ASAP3: variants seen among roughly 807,000 people sequenced by gnomAD.
The protein encoded by ASAP3 is arf-GAP with SH3 domain, ANK repeat and PH domain-containing protein 3.
ASAP3 carries 85 observed loss-of-function variants against 118.2 expected under a neutral mutation model. The observed-to-expected ratio is 0.72, with a 90% CI of 0.60 to 0.86. ASAP3 has a LOEUF of 0.86. Among genes scored for constraint, ASAP3 ranks in the 40% least tolerant of loss-of-function variants. The probability of loss-of-function intolerance (pLI) is 0.00; values close to 1 mark genes in which losing one functional copy is unlikely to be tolerated. For synonymous variants in ASAP3, 432 were observed against 477.4 expected, an observed-to-expected ratio of 0.90 and a Z score of 1.24; for missense variants, 1,026 against 1,175.0, an observed-to-expected ratio of 0.87 and a Z score of 1.85.
chr1:23,436,053 C>T lies in ASAP3; in HGVS notation c.1572-25G>A. ...CCTACCAAAAACAACCACAGGATCT[C>T]AGAGCATGGACCGTGTCTGCCCAGC... On this transcript the variant is annotated intron_variant, in intron 16 of 24. Transcript: ENST00000336689. The surrounding 1 kb of genome is among the most constrained non-coding windows in gnomAD (Gnocchi z 4.2). 1 of 1,613,354 alleles carries T rather than the reference C, an allele frequency of 6.2e-7. No homozygotes were observed. Among genetic ancestry groups the T allele is most frequent in the South Asian group, 1.1e-5 (1 of 91,064 alleles).
chr1:23,436,688 T>C lies in ASAP3; in HGVS notation c.1477-34A>G. ...GTAGGAAAATAGACGTGGGGCGGAG[T>C]AAGACCGGGCGGTTAAGCCTGCATA... On this transcript the variant is annotated intron_variant, in intron 15 of 24. Transcript: ENST00000336689. The surrounding 1 kb of genome is among the most constrained non-coding windows in gnomAD (Gnocchi z 4.2). 1 of 1,612,264 alleles carries C rather than the reference T, an allele frequency of 6.2e-7. No individual in the cohort carries two copies. The highest frequency in any genetic ancestry group is 1.7e-5 in the Admixed American group (1 of 59,978).
chr1:23,476,444 A>G (rs893597195), intron 1 of ASAP3, among the ~76,000 whole-genome samples: 1 of 151,874 alleles, frequency 6.6e-6, no homozygotes, highest in Admixed American at 6.6e-5. Context: ...CTTATAAAAC[A>G]CTTCTACAAT....
intron 5 of ASAP3, among the ~76,000 whole-genome samples, chr1:23,447,404 T>C (rs1157255017): frequency 2.6e-5 from 4 of 152,206 alleles, no homozygotes; most frequent in Admixed American, 2.0e-4. Flanking sequence ...GGTACGTATA[T>C]ATAGGAAAAA....
chr1:23,431,576 G>A, intron 23 of ASAP3, 120 bp downstream of exon 23: 1 of 957,160 alleles, frequency 1.0e-6, no homozygotes, highest in South Asian at 1.9e-5. Flanking sequence ...ATAAGTGATG[G>A]GCCCAGAGAT....
chr1:23,461,668 C>T (rs926138333), intron 1 of ASAP3, among the ~76,000 whole-genome samples: 29 of 146,948 alleles, frequency 2.0e-4, no homozygotes, highest in Non-Finnish European at 3.4e-4. Context: ...CTCAAACGCA[C>T]CCCCCCACAA....
intron 22 of ASAP3, among the ~76,000 whole-genome samples, chr1:23,432,831 T>C (rs993325788): frequency 6.6e-6 from 1 of 150,640 alleles, no homozygotes; most frequent in Non-Finnish European, 1.5e-5. Flanking sequence ...AAGTGGAGCA[T>C]TGAGGAATTT....
intron 3 of ASAP3, among the ~76,000 whole-genome samples, chr1:23,454,037 T>C (rs1315953227): frequency 3.3e-5 from 5 of 152,216 alleles, no homozygotes; most frequent in Admixed American, 1.3e-4. Context: ...TTTTTTTTTT[T>C]GAGACAGGGT....
intron 3 of ASAP3, among the ~76,000 whole-genome samples, chr1:23,453,955 T>C (rs1000992337): frequency 3.3e-5 from 5 of 152,196 alleles, no homozygotes; most frequent in Middle Eastern, 3.4e-3. Flanking sequence ...CAGGAAACAC[T>C]AGTTTGACTG....
intron 5 of ASAP3, among the ~76,000 whole-genome samples, chr1:23,446,015 A>G (rs1641036423): frequency 6.6e-6 from 1 of 151,980 alleles, no homozygotes; most frequent in African/African-American, 2.4e-5. Context: ...ATATCTGTAC[A>G]TGTGATTGGC....
chr1:23,437,519 C>A lies in ASAP3; in HGVS notation c.1103-47G>T, dbSNP rs185420378. ...TCTGACCCACAGAAATGCTGCTGGC[C>A]TTCCCGGAGCCCAGGGAGCCCCCAC... On this transcript the variant is annotated intron_variant, in intron 12 of 24. Coordinates refer to ENST00000336689, the MANE Select transcript of ASAP3 (RefSeq NM_017707.4). This position sits in a 1 kb window ranked among gnomAD's most constrained non-coding sequence, Gnocchi z 6.1. 1 of 1,610,148 alleles carries A rather than the reference C, an allele frequency of 6.2e-7. No individual in the cohort carries two copies. The highest frequency in any genetic ancestry group is 1.7e-5 in the Admixed American group (1 of 59,508).
At chr1:23,452,471 T>C (rs1488541810) in intron 4 of ASAP3, among the ~76,000 whole-genome samples, 4 of 152,122 alleles carry the variant, frequency 2.6e-5, no homozygotes, top group Non-Finnish European at 5.9e-5. Context: ...CATAGGATGG[T>C]TGTAAGATTT....
Position 23,437,293 on chromosome 1 carries a change from C to T in ASAP3, c.1179G>A (p.Lys393=). Reference sequence around the variant, plus strand: ...GGAAGGCGCTGCTCAGGGCTTCGTCCTTGCTGTTCTGCAACACTGACACCC... The same window carrying T: ...GGAAGGCGCTGCTCAGGGCTTCGTCTTTGCTGTTCTGCAACACTGACACCC... ...EAWVSVLQNS[K]DEALSSAFLG... Residue 393 remains lysine (K), a synonymous_variant, in exon 14 of 25, where the codon AAG becomes AAA. Transcript: ENST00000336689. The surrounding 1 kb of genome is among the most constrained non-coding windows in gnomAD (Gnocchi z 6.1). 6.2e-7 allele frequency: 1 copy of T among 1,608,724 alleles called. No homozygotes were observed. Among genetic ancestry groups the T allele is most frequent in the Non-Finnish European group, 8.5e-7 (1 of 1,177,628 alleles).
chr1:23,470,176 T>C (rs1181281684), intron 1 of ASAP3, among the ~76,000 whole-genome samples: 1 of 152,102 alleles, frequency 6.6e-6, no homozygotes, highest in East Asian at 1.9e-4. Context: ...TCTGTCCAAT[T>C]TTGAGCTAAC....
chr1:23,439,627 T>A (rs1240746067), intron 10 of ASAP3, among the ~76,000 whole-genome samples: 2 of 152,116 alleles, frequency 1.3e-5, no homozygotes, highest in Non-Finnish European at 2.9e-5. Context: ...CTAAGCAAGA[T>A]CAATATTAAT....
chr1:23,454,060 C>A (rs1232760457), intron 3 of ASAP3, among the ~76,000 whole-genome samples: 1 of 152,036 alleles, frequency 6.6e-6, no homozygotes, highest in Non-Finnish European at 1.5e-5. Context: ...TGCTTTGTCA[C>A]CCAGGCTGGA....
At chr1:23,457,249 C>A (rs1338385073) in intron 1 of ASAP3, among the ~76,000 whole-genome samples, 1 of 152,128 alleles carries the variant, frequency 6.6e-6, no homozygotes, top group Non-Finnish European at 1.5e-5. Flanking sequence ...CCCACCCTGA[C>A]CCCAGCCCAG....
At chr1:23,433,372 C>A (rs1165992181) in intron 21 of ASAP3, 53 bp downstream of exon 21, 2 of 1,613,720 alleles carry the variant, frequency 1.2e-6, no homozygotes, top group Non-Finnish European at 1.7e-6. Context: ...CAGGCCCAAT[C>A]TGGCTCTTTC....
intron 18 of ASAP3, 25 bp from the exon 19 acceptor site, chr1:23,434,394 AAAGG>A: frequency 1.2e-6 from 2 of 1,612,720 alleles, no homozygotes; most frequent in Non-Finnish European, 1.7e-6. Context: ...GTTCAGGGAG[AAAGG>A]AAGGGGAACA....
intron 1 of ASAP3, among the ~76,000 whole-genome samples, chr1:23,467,303 T>C (rs1422354765): frequency 6.8e-6 from 1 of 148,056 alleles, no homozygotes; most frequent in Non-Finnish European, 1.5e-5. Context: ...CCTGGGTTCA[T>C]GCCATTCTCC....
Sources: allele counts gnomAD v4.1 joint callset (sites outside exome capture counted in the v4.1 genomes callset), GRCh38; gene constraint gnomAD v4.1.1; non-coding constraint Gnocchi (gnomAD v3.1); transcripts MANE v1.5; gene names NCBI Gene and HGNC (gene_info 2026-07-23, HGNC 2026-07-21).